The following APOL5 variants were observed in gnomAD, a reference collection of about 807,000 sequenced individuals.
APOL5 encodes the protein apolipoprotein L, 5.
Under a neutral mutation model 35.5 loss-of-function variants are expected in APOL5, and 29 were observed. The ratio of observed to expected loss-of-function variants is 0.82; its 90% CI spans 0.61 to 1.11. The LOEUF is 1.11. APOL5 is among the 50% of genes most tolerant of loss of function. The probability of loss-of-function intolerance (pLI) is 0.00; values close to 1 mark genes in which losing one functional copy is unlikely to be tolerated. For synonymous variants in APOL5, 188 were observed against 200.2 expected (o/e 0.94, Z 0.51); for missense variants, 514 against 530.4 (o/e 0.97, Z 0.30).
chr22:35,711,626 C>CTTTCCTTCCTTCCTTCCTTCCTTT, the APOL5 span, among the ~76,000 whole-genome samples: 39 of 147,340 alleles, frequency 2.6e-4, 1 homozygote, highest in African/African-American at 9.3e-4. Context: ...TTCCTTCCTT[C>CTTTCCTTCCTTCCTTCCTTCCTTT]CTTCCTTCCT....
rs145495755 is a variant in APOL5, at chr22:35,728,728, C to T, written c.1132C>T (p.Arg378Cys). ...GSRVVKPEGSRSPLPWPVVEH... is the reference protein window; with the variant it reads ...GSRVVKPEGSCSPLPWPVVEH... ...CAGGGACTCATGTTCCACAGGGTCT[C>T]GCTCACCTCTCCCCTGGCCTGTTGT... Residue 378 changes from arginine to cysteine, a missense_variant, in exon 4 of 5, where the codon CGC (arginine) becomes TGC (cysteine). Arg to Cys is a radical substitution (Grantham distance 180). This residue lies in a region of APOL5 where 238 missense variants were observed against 229.1 expected (regional missense o/e 1.04). Coordinates refer to ENST00000249044, the MANE Select transcript of APOL5 (RefSeq NM_030642.1). 5.0e-6 allele frequency: 8 copies of T among 1,611,888 alleles called. No homozygotes were observed. The African/African-American group carries it at 5.3e-5, about 11-fold the overall frequency.
chr22:35,714,688 T>C (rs1926687959), upstream of APOL5, among the ~76,000 whole-genome samples: 1 of 152,202 alleles, frequency 6.6e-6, no homozygotes, highest in South Asian at 2.1e-4. Context: ...CCTCCAGCAA[T>C]GAATGCAGGG....
chr22:35,728,779 G>A lies in APOL5; in HGVS notation c.1183G>A (p.Gly395Ser). The A allele has an allele frequency of 2.5e-6, 4 of 1,613,642 alleles. No homozygotes were observed. The highest frequency in any genetic ancestry group is 3.4e-6 in the Non-Finnish European group (4 of 1,179,824). ...GGAGCACCAGCCTAGGCTGGGCCCT[G>A]GCGTGGCACTGAGGACACCAAAGAG... is the stretch of plus-strand genomic sequence containing the variant. ...VVEHQPRLGP[G>S]VALRTPKRTV... Residue 395 changes from glycine to serine, a missense_variant, in exon 4 of 5, where the codon GGC becomes AGC. By Grantham distance (56) the Gly-to-Ser change is moderately conservative. Transcript: ENST00000249044.
At chr22:35,712,493 C>T in the APOL5 span, among the ~76,000 whole-genome samples, 2 of 152,192 alleles carry the variant, frequency 1.3e-5, no homozygotes, top group Admixed American at 1.3e-4. Flanking sequence ...GTTGGGATTA[C>T]AGGCATAAGC....
At chr22:35,710,935 C>A in the APOL5 span, among the ~76,000 whole-genome samples, 1 of 152,264 alleles carries the variant, frequency 6.6e-6, no homozygotes, top group Non-Finnish European at 1.5e-5. Context: ...GGGAGGCCAA[C>A]GTGGATGGAT....
the APOL5 span, among the ~76,000 whole-genome samples, chr22:35,711,951 AG>A: frequency 6.6e-6 from 1 of 152,062 alleles, no homozygotes; most frequent in Non-Finnish European, 1.5e-5. Flanking sequence ...TTGGGATTAC[AG>A]GTGTGAGCCA....
At chr22:35,720,331 G>A (rs1052569203) in intron 1 of APOL5, among the ~76,000 whole-genome samples, 13 of 152,204 alleles carry the variant, frequency 8.5e-5, no homozygotes, top group African/African-American at 4.8e-5. Flanking sequence ...AAGCCTAAGC[G>A]ATTTCCAGTT....
upstream of APOL5, among the ~76,000 whole-genome samples, chr22:35,712,905 T>C (rs1052089104): frequency 6.6e-6 from 1 of 152,248 alleles, no homozygotes; most frequent in Non-Finnish European, 1.5e-5. Flanking sequence ...CCTACAAATA[T>C]GGCTTGTCTC....
intron 3 of APOL5, 139 bp downstream of exon 3, chr22:35,727,333 C>T (rs1222051442): frequency 2.4e-6 from 3 of 1,267,324 alleles, no homozygotes; most frequent in African/African-American, 1.5e-5. Context: ...ACTTGCCGCA[C>T]ACCCCTGACA....
At chr22:35,725,974 A>G (rs560909445) in intron 2 of APOL5, among the ~76,000 whole-genome samples, 1 of 152,272 alleles carries the variant, frequency 6.6e-6, no homozygotes, top group South Asian at 2.1e-4. Flanking sequence ...CTTTGTTTCA[A>G]AGTTAAACTA....
chr22:35,720,479 TAGAC>T (rs1370519670), intron 1 of APOL5, 85 bp from the exon 2 acceptor site: 19 of 1,088,082 alleles, frequency 1.7e-5, no homozygotes, highest in Non-Finnish European at 2.5e-5. Context: ...ATATTGTAAT[TAGAC>T]AGCCAACTTT....
At chr22:35,717,662 C>T (rs1926799317), upstream of APOL5, among the ~76,000 whole-genome samples, 3 of 146,396 alleles carry the variant, frequency 2.0e-5, no homozygotes, top group Non-Finnish European at 3.0e-5. Context: ...GTCAGTTGAA[C>T]CTGGGAAGTG....
At chr22:35,717,548 T>C (rs1346026702), upstream of APOL5, among the ~76,000 whole-genome samples, 1 of 151,144 alleles carries the variant, frequency 6.6e-6, no homozygotes, top group African/African-American at 2.4e-5. Context: ...GAGACCAGCC[T>C]GGCCATCATG....
chr22:35,727,907 AAGG>A (rs1358592584), intron 3 of APOL5, among the ~76,000 whole-genome samples: 2 of 152,268 alleles, frequency 1.3e-5, no homozygotes, highest in African/African-American at 2.4e-5. Flanking sequence ...CCAAAAAATA[AAGG>A]AGAATTTCGA....
rs369749894 is a variant in APOL5 at position 35,720,632 on chromosome 22, G to C, written c.120G>C (p.Gly40=). 3 of 1,613,564 alleles carry C rather than the reference G, an allele frequency of 1.9e-6. No homozygotes were observed. The highest frequency in any genetic ancestry group is 2.5e-6 in the Non-Finnish European group (3 of 1,179,710). ...RKVIYGGEVW[G]KSPEPEFPSL... is the part of the protein sequence containing the mutation. ...TAATCTACGGAGGTGAGGTCTGGGG[G>C]AAGTCCCCAGAACCTGAGTTCCGTG... is the stretch of plus-strand genomic sequence containing the variant. Residue 40 remains glycine (G), a synonymous_variant, in exon 2 of 5, where the codon GGG becomes GGC. Transcript: ENST00000249044.
At chr22:35,719,197 C>G (rs1215637788) in intron 1 of APOL5, among the ~76,000 whole-genome samples, 1 of 152,012 alleles carries the variant, frequency 6.6e-6, no homozygotes, top group African/African-American at 2.4e-5. Context: ...TGCAGGAGAA[C>G]TAGGGGTGAT....
In APOL5 at chr22:35,725,313, C is replaced by T. The variant is rs1028078837; in HGVS notation, c.143-898C>T. On this transcript the variant is annotated intron_variant, in intron 2 of 4. Transcript: ENST00000249044. ...TGAACTCTTGCTCTGTCACCCAGGC[C>T]GGAGTGCAGTGGCGCTATTTCGGCT... 4.6e-5 allele frequency among the ~76,000 whole-genome samples: 7 copies of T among 151,962 alleles called. No individual in the cohort carries two copies. The East Asian group carries it at 1.2e-3, about 25-fold the overall frequency.
intron 3 of APOL5, among the ~76,000 whole-genome samples, chr22:35,727,671 T>C: frequency 6.6e-6 from 1 of 152,196 alleles, no homozygotes; most frequent in East Asian, 1.9e-4. Flanking sequence ...AGCCATTGTG[T>C]CCCTCTTGTC....
chr22:35,724,075 CTT>C (rs1927063727), intron 2 of APOL5, among the ~76,000 whole-genome samples: 1 of 152,070 alleles, frequency 6.6e-6, no homozygotes, highest in African/African-American at 2.4e-5. Context: ...GATCCCCAAA[CTT>C]TTGCTTTGGA....
Sources: allele counts gnomAD v4.1 joint callset (sites outside exome capture counted in the v4.1 genomes callset), GRCh38; gene constraint gnomAD v4.1.1; regional missense constraint gnomAD v4.1.1; transcripts MANE v1.5; gene names NCBI Gene and HGNC (gene_info 2026-07-23, HGNC 2026-07-21).